The following PTPRM variants were observed in gnomAD, a reference collection of about 807,000 sequenced individuals.
PTPRM encodes receptor-type tyrosine-protein phosphatase mu.
In PTPRM, 47 loss-of-function variants were observed where a neutral mutation model predicts 186.7. The observed-to-expected ratio is 0.25, with a 90% CI of 0.20 to 0.32. The LOEUF (loss-of-function observed/expected upper bound fraction) is 0.32, where lower values mean the gene tolerates loss of function less well. Among genes scored for constraint, PTPRM ranks in the 10% least tolerant of loss-of-function variants. The pLI is 1.00. For missense variants in PTPRM, 1,494 were observed against 1,865.0 expected, an observed-to-expected ratio of 0.80 and a Z score of 3.66; for synonymous variants, 668 against 674.9, an observed-to-expected ratio of 0.99 and a Z score of 0.16.
At chr18:7,583,433 G>A (rs538535211) in intron 1 of PTPRM, among the ~76,000 whole-genome samples, 25 of 152,266 alleles carry the variant, frequency 1.6e-4, no homozygotes, top group East Asian at 1.4e-3. Context: ...ATTTCCCTGG[G>A]CCCAAAGCCT....
intron 4 of PTPRM, among the ~76,000 whole-genome samples, chr18:7,913,230 GT>G (rs1431955511): frequency 3.9e-5 from 3 of 76,710 alleles, no homozygotes; most frequent in Non-Finnish European, 7.1e-5. Context: ...GCTCTAATTG[GT>G]TTTTTGGTGG....
chr18:7,866,148 T>C (rs2047679080), intron 2 of PTPRM, among the ~76,000 whole-genome samples: 2 of 151,930 alleles, frequency 1.3e-5, no homozygotes, highest in Admixed American at 6.6e-5. Flanking sequence ...CCTGGATTCA[T>C]TGATTTTTTT....
chr18:7,883,415 A>G (rs1327025145), intron 2 of PTPRM, among the ~76,000 whole-genome samples: 1 of 152,240 alleles, frequency 6.6e-6, no homozygotes, highest in Non-Finnish European at 1.5e-5. Flanking sequence ...GAATTCTGTA[A>G]TTCTCTAAAC....
intron 4 of PTPRM, among the ~76,000 whole-genome samples, chr18:7,919,487 C>A (rs1368624453): frequency 2.0e-5 from 3 of 152,082 alleles, no homozygotes; most frequent in African/African-American, 7.2e-5. Flanking sequence ...TGTTCACTAG[C>A]ATGTTTTTAA....
Position 8,306,654 on chromosome 18 carries a change from G to A in PTPRM, c.2843-8127G>A, listed in dbSNP as rs116205422. Among the ~76,000 whole-genome samples the A allele has an allele frequency of 6.3e-3, 960 of 152,298 alleles. 9 individuals carry two copies. The highest frequency in any genetic ancestry group is 0.022 in the African/African-American group (922 of 41,566). On this transcript the variant is annotated intron_variant, in intron 20 of 32. Coordinates refer to ENST00000580170, the MANE Select transcript of PTPRM (RefSeq NM_001105244.2). ...TGAATTCTACAGATCTTATGCCTAG[G>A]CAGTTGAGTTTTCCAAACTTTTTCC...
chr18:7,727,046 G>A (rs1169733357), intron 1 of PTPRM, among the ~76,000 whole-genome samples: 3 of 152,094 alleles, frequency 2.0e-5, no homozygotes, highest in Non-Finnish European at 4.4e-5. Context: ...AAGTTTCTTG[G>A]TGGTTTTATT....
At chr18:8,386,952 T>A (rs1031440856) in intron 30 of PTPRM, 120 bp from the exon 31 acceptor site, 5 of 1,069,084 alleles carry the variant, frequency 4.7e-6, no homozygotes, top group Non-Finnish European at 6.8e-6. Context: ...CGTTGGTAAT[T>A]TGTAGGCAGG....
At chr18:7,853,409 G>C (rs1308077920) in intron 2 of PTPRM, among the ~76,000 whole-genome samples, 1 of 152,190 alleles carries the variant, frequency 6.6e-6, no homozygotes, top group African/African-American at 2.4e-5. Flanking sequence ...GGAGCTTCAG[G>C]TAAAGTCTGG....
At chr18:8,128,882 T>G (rs1299225500) in intron 13 of PTPRM, among the ~76,000 whole-genome samples, 2 of 152,196 alleles carry the variant, frequency 1.3e-5, no homozygotes, top group Non-Finnish European at 2.9e-5. Flanking sequence ...TTTTGTGGTT[T>G]TCTTTTCTAT....
At chr18:7,923,374 AT>A (rs1389919063) in intron 4 of PTPRM, among the ~76,000 whole-genome samples, 4 of 152,120 alleles carry the variant, frequency 2.6e-5, no homozygotes, top group African/African-American at 9.7e-5. Context: ...CCACAGGGAG[AT>A]GGAAGGCGGC....
intron 7 of PTPRM, among the ~76,000 whole-genome samples, chr18:7,966,016 A>G (rs2054019730): frequency 1.3e-5 from 2 of 152,234 alleles, no homozygotes; most frequent in South Asian, 4.1e-4. Context: ...ACAACAGATT[A>G]TGAAAGATTG....
At chr18:7,936,939 C>T (rs932705745) in intron 5 of PTPRM, among the ~76,000 whole-genome samples, 2 of 152,004 alleles carry the variant, frequency 1.3e-5, no homozygotes, top group African/African-American at 2.4e-5. Context: ...GACCTGCCTG[C>T]ATACAGGAGC....
At chr18:7,700,189 G>A (rs929156744) in intron 1 of PTPRM, among the ~76,000 whole-genome samples, 1 of 152,188 alleles carries the variant, frequency 6.6e-6, no homozygotes, top group Non-Finnish European at 1.5e-5. Flanking sequence ...AGATAAATAT[G>A]TATCTGAGAT....
chr18:7,760,233 C>A (rs1163313441), intron 1 of PTPRM, among the ~76,000 whole-genome samples: 1 of 152,108 alleles, frequency 6.6e-6, no homozygotes, highest in African/African-American at 2.4e-5. Context: ...CCCAACAGTC[C>A]ACCTGATCTA....
At chr18:7,659,288 C>A in intron 1 of PTPRM, among the ~76,000 whole-genome samples, 1 of 152,078 alleles carries the variant, frequency 6.6e-6, no homozygotes, top group East Asian at 1.9e-4. Context: ...GCTCTGTATT[C>A]TCTGAATTCA....
At chr18:7,808,932 A>G (rs1343170096) in intron 2 of PTPRM, among the ~76,000 whole-genome samples, 2 of 152,354 alleles carry the variant, frequency 1.3e-5, no homozygotes, top group East Asian at 1.9e-4. Flanking sequence ...TGGAAGAAAC[A>G]TAAGCAATAC....
rs1270033135 is a variant in PTPRM at position 8,289,543 on chromosome 18, T to C, written c.2755-6825T>C. On this transcript the variant is annotated intron_variant, in intron 19 of 32. Coordinates refer to ENST00000580170, the MANE Select transcript of PTPRM (RefSeq NM_001105244.2). ...ATATATACATATATATACACATATATATATATACATATATATACACATATA... is the reference window on the plus strand; with the variant it reads ...ATATATACATATATATACACATATACATATATACATATATATACACATATA... Among the ~76,000 whole-genome samples, 187 of 112,178 alleles carry C rather than the reference T, an allele frequency of 1.7e-3. 8 individuals carry two copies. Among genetic ancestry groups the C allele is most frequent in the African/African-American group, 7.4e-3 (176 of 23,680 alleles). 73.6% of individuals were successfully genotyped at this position (112,178 alleles called of 152,430 possible).
intron 2 of PTPRM, among the ~76,000 whole-genome samples, chr18:7,861,645 G>A (rs767106049): frequency 5.3e-5 from 8 of 152,056 alleles, no homozygotes; most frequent in Non-Finnish European, 1.2e-4. Flanking sequence ...GATCTGGTTC[G>A]TTTTGGTGGG....
chr18:8,169,026 A>G (rs2093360861), intron 14 of PTPRM, among the ~76,000 whole-genome samples: 1 of 152,182 alleles, frequency 6.6e-6, no homozygotes, highest in Admixed American at 6.5e-5. Context: ...TTCCTGTTTG[A>G]CTTTGGAATT....
Sources: allele counts gnomAD v4.1 joint callset (sites outside exome capture counted in the v4.1 genomes callset), GRCh38; gene constraint gnomAD v4.1.1; transcripts MANE v1.5; gene names NCBI Gene and HGNC (gene_info 2026-07-23, HGNC 2026-07-21).